RUSF1: variants seen among roughly 807,000 people sequenced by gnomAD.
RUSF1 encodes the protein RUS family member 1.
RUSF1 carries 58 observed loss-of-function variants against 63.0 expected under a neutral mutation model. That is an observed-to-expected ratio of 0.92 (90% CI 0.75 to 1.15). RUSF1 has a LOEUF of 1.15. Ranked by LOEUF, RUSF1 falls within the 50% of genes most tolerant of loss-of-function variation. RUSF1 has a pLI of 0.00. For missense variants in RUSF1, 652 were observed against 611.0 expected, an observed-to-expected ratio of 1.07 and a Z score of -0.71; for synonymous variants, 274 against 255.8, an observed-to-expected ratio of 1.07 and a Z score of -0.68.
intron 2 of RUSF1, among the ~76,000 whole-genome samples, chr16:31,504,784 A>C (rs2082649957): frequency 6.6e-6 from 1 of 152,216 alleles, no homozygotes; most frequent in African/African-American, 2.4e-5. Context: ...TGTACTAAGA[A>C]AATTGTTTTG....
At chr16:31,499,810 C>T (rs922729221) in intron 3 of RUSF1, among the ~76,000 whole-genome samples, 1 of 152,082 alleles carries the variant, frequency 6.6e-6, no homozygotes, top group African/African-American at 2.4e-5. Flanking sequence ...CTCTGTCTGT[C>T]CTTGGAGGGA....
chr16:31,500,392 A>T (rs1457099614), intron 3 of RUSF1, among the ~76,000 whole-genome samples: 1 of 152,190 alleles, frequency 6.6e-6, no homozygotes, highest in Non-Finnish European at 1.5e-5. Flanking sequence ...TGGGCAGGTA[A>T]CTTCCCTCAT....
At chr16:31,495,908 A>G (rs2082599556) in intron 6 of RUSF1, among the ~76,000 whole-genome samples, 1 of 152,210 alleles carries the variant, frequency 6.6e-6, no homozygotes, top group African/African-American at 2.4e-5. Context: ...TTGGGTTAAG[A>G]TTATTGAGCC....
chr16:31,500,612 G>A, intron 3 of RUSF1, 74 bp downstream of exon 3: 2 of 1,519,286 alleles, frequency 1.3e-6, no homozygotes, highest in Non-Finnish European at 1.8e-6. Flanking sequence ...ACAATTAATG[G>A]CAATACTATT....
rs954492585 is a variant in RUSF1 at position 31,507,853 on chromosome 16, G to A, written c.326C>T (p.Ser109Phe). The A allele has an allele frequency of 1.3e-6, 2 of 1,569,046 alleles. No individual in the cohort carries two copies. Among genetic ancestry groups the A allele is most frequent in the African/African-American group, 2.7e-5 (2 of 73,768 alleles). Residue 109 changes from serine to phenylalanine, a missense_variant, in exon 2 of 13, where the codon TCC becomes TTC. Ser to Phe is a radical substitution (Grantham distance 155). Transcript: ENST00000327237. ...CAGCAAGACTGCCTGGGTGGCTAGGGAGCCGGAGAGGCTGGAAGCAAACGC... is the reference window on the plus strand; with the variant it reads ...CAGCAAGACTGCCTGGGTGGCTAGGAAGCCGGAGAGGCTGGAAGCAAACGC... ...VQAFASSLSG[S>F]LATQAVLLGI...
intron 9 of RUSF1, 75 bp from the exon 10 acceptor site, chr16:31,493,123 C>T (rs748538229): frequency 6.9e-7 from 1 of 1,444,950 alleles, no homozygotes; most frequent in East Asian, 2.3e-5. Context: ...ACTGAACAGC[C>T]ACCCAGTGAA....
chr16:31,497,360 C>T (rs528974571), intron 5 of RUSF1, among the ~76,000 whole-genome samples: 7 of 152,242 alleles, frequency 4.6e-5, no homozygotes, highest in Non-Finnish European at 8.8e-5. Context: ...GCTGTCGAAA[C>T]CTACACTGAT....
rs779566850 is a variant in RUSF1, at chr16:31,492,304, G to A, written c.1124C>T (p.Pro375Leu). Residue 375 changes from proline to leucine, a missense_variant, in exon 11 of 13, where the codon CCC becomes CTC. Physicochemically the swap from Pro to Leu is moderately conservative, Grantham distance 98 (BLOSUM62 -3). Transcript: ENST00000327237. ...VQVVLNQKAG[P>L]KTILRAATHG... is the part of the protein sequence containing the mutation. ...TGTGGCGGCCCTTAGGATGGTCTTGGGGCCTGCCTTCTGGTTCAGAACTAC... is the reference window on the plus strand; with the variant it reads ...TGTGGCGGCCCTTAGGATGGTCTTGAGGCCTGCCTTCTGGTTCAGAACTAC... 2.5e-6 allele frequency: 4 copies of A among 1,601,234 alleles called. No homozygotes were observed. Among genetic ancestry groups the A allele is most frequent in the Admixed American group, 3.4e-5 (2 of 58,134 alleles).
intron 3 of RUSF1, among the ~76,000 whole-genome samples, chr16:31,500,063 G>A (rs963078011): frequency 1.2e-3 from 181 of 152,168 alleles, no homozygotes; most frequent in African/African-American, 4.1e-3. Context: ...CACCGTGGAC[G>A]GCTACCTCAC....
intron 2 of RUSF1, among the ~76,000 whole-genome samples, chr16:31,503,177 G>C (rs2082641169): frequency 6.6e-6 from 1 of 152,124 alleles, no homozygotes; most frequent in Non-Finnish European, 1.5e-5. Context: ...AGAAACATCT[G>C]AGTCCTAATA....
rs36062238 is a variant in RUSF1, at chr16:31,492,203, G to A, written c.1225C>T (p.Arg409Trp). 3.5e-4 allele frequency: 564 copies of A among 1,609,598 alleles called. 1 individual carries two copies. The African/African-American group carries it at 5.8e-3, about 17-fold the overall frequency. The change falls in exon 11 of 13, where the codon CGG (arginine) becomes TGG (tryptophan). Residue 409 changes from arginine to tryptophan, a missense_variant. Coordinates refer to ENST00000327237, the MANE Select transcript of RUSF1 (RefSeq NM_022744.4). The stretch of plus-strand genomic sequence containing the variant: ...TAAATCTTGAGGCACTTACCTGCCC[G>A]CACCCGGTTCCTCAGCTCCTCCAGC... The part of the protein sequence containing the change: ...AELEELRNRV[R>W]AGPKKESWVV...
At chr16:31,507,558 G>C (rs961684101) in intron 2 of RUSF1, among the ~76,000 whole-genome samples, 1 of 152,244 alleles carries the variant, frequency 6.6e-6, no homozygotes, top group Non-Finnish European at 1.5e-5. Context: ...GTGGGGAATG[G>C]AGTGCGGCTG....
In RUSF1 at chr16:31,500,738, G is replaced by A. The variant is rs766468442; in HGVS notation, c.416-7C>T. On this transcript the variant is annotated splice_region_variant and splice_polypyrimidine_tract_variant and intron_variant, in intron 2 of 12. Coordinates refer to ENST00000327237, the MANE Select transcript of RUSF1 (RefSeq NM_022744.4). ...CCCAGCATGCCAGTTGAATCTGGGG[G>A]AAAGAAGGCACAGGTAAGGAGCAAG... The A allele has an allele frequency of 6.2e-7, 1 of 1,612,162 alleles. No individual in the cohort carries two copies. The highest frequency in any genetic ancestry group is 1.1e-5 in the South Asian group (1 of 90,832).
rs1355798428 is a variant in RUSF1, at chr16:31,496,885, G to T, written c.666C>A (p.Asn222Lys). 4 of 1,608,788 alleles carry T rather than the reference G, an allele frequency of 2.5e-6. No homozygotes were observed. In the Admixed American group the frequency reaches 6.7e-5, roughly 27 times the overall value. The change falls in exon 6 of 13, where the codon AAC becomes AAA. Residue 222 changes from asparagine to lysine, a missense_variant. Physicochemically the swap from Asn to Lys is moderately conservative, Grantham distance 94. Transcript: ENST00000327237. ...CCTTGGCTGACACGTCAGCCATGTT[G>T]TTCCTCCGAGCCTGGTGCACGGTCA... ...AALTVHQARR[N>K]NMADVSAKDS...
At chr16:31,493,346 T>A in intron 9 of RUSF1, 121 bp downstream of exon 9, 1 of 1,306,158 alleles carries the variant, frequency 7.7e-7, no homozygotes, top group Non-Finnish European at 1.1e-6. Flanking sequence ...CCATGTCTGT[T>A]CAGCAGCAAT....
intron 5 of RUSF1, among the ~76,000 whole-genome samples, chr16:31,498,016 G>A (rs576300284): frequency 2.0e-5 from 3 of 152,304 alleles, no homozygotes; most frequent in South Asian, 4.1e-4. Flanking sequence ...GAAGATGGAG[G>A]AGAGAATGGA....
In RUSF1 at chr16:31,492,048, G is replaced by A. The variant is rs751890287; in HGVS notation, c.1270C>T (p.His424Tyr). The A allele has an allele frequency of 2.5e-5, 40 of 1,614,076 alleles. No individual in the cohort carries two copies. The highest frequency in any genetic ancestry group is 3.2e-5 in the Non-Finnish European group (38 of 1,180,026). The stretch of plus-strand genomic sequence containing the variant: ...GGGAACAGCATGTCCAACACTTCGT[G>A]TGTCTCCTTGACGACGACCCAGCTC... ...KESWVVVKET[H>Y]EVLDMLFPKF... The change falls in exon 12 of 13, where the codon CAC (histidine) becomes TAC (tyrosine). Residue 424 changes from histidine (H) to tyrosine (Y), a missense_variant. Transcript: ENST00000327237.
chr16:31,489,970 T>C lies in RUSF1; in HGVS notation c.*865A>G. On this transcript the variant is annotated 3_prime_UTR_variant, in exon 13 of 13. Transcript: ENST00000327237. ...CCATGTAGGGTGGAGTTGGCATGAGTTAAGCCTGGGCTGGGTGTGTAGACT... is the reference window on the plus strand; with the variant it reads ...CCATGTAGGGTGGAGTTGGCATGAGCTAAGCCTGGGCTGGGTGTGTAGACT... 8.2e-6 allele frequency: 10 copies of C among 1,220,458 alleles called. No homozygotes were observed. The highest frequency in any genetic ancestry group is 1.2e-5 in the Non-Finnish European group (10 of 848,414). The allele number at this position is 1,220,458 out of a possible 1,614,324, so 75.6% of individuals were successfully genotyped here. A position where few individuals can be genotyped will look rare whatever the true frequency, so the allele number is the denominator to read the frequency against.
At chr16:31,497,024 G>T (rs2142651040) in intron 5 of RUSF1, 74 bp from the exon 6 acceptor site, 1 of 1,276,798 alleles carries the variant, frequency 7.8e-7, no homozygotes, top group South Asian at 1.4e-5. Context: ...ACCAGCTGGA[G>T]AAAACCTGGC....
Sources: allele counts gnomAD v4.1 joint callset (sites outside exome capture counted in the v4.1 genomes callset), GRCh38; gene constraint gnomAD v4.1.1; transcripts MANE v1.5; gene names NCBI Gene and HGNC (gene_info 2026-07-23, HGNC 2026-07-21).